The following KIF21A variants were observed in gnomAD, a reference collection of about 807,000 sequenced individuals.
The protein encoded by KIF21A is kinesin-like protein KIF21A.
Under a neutral mutation model 202.9 loss-of-function variants are expected in KIF21A, and 114 were observed. The observed-to-expected ratio is 0.56, with a 90% CI of 0.48 to 0.66. KIF21A has a LOEUF of 0.66. Ranked by LOEUF, KIF21A falls within the 30% of genes least tolerant of loss-of-function variation. The pLI is 0.00. For missense variants in KIF21A, 1,677 were observed against 1,994.9 expected, an observed-to-expected ratio of 0.84 and a Z score of 3.04; for synonymous variants, 667 against 670.8, an observed-to-expected ratio of 0.99 and a Z score of 0.09.
intron 1 of KIF21A, among the ~76,000 whole-genome samples, chr12:39,376,896 A>G (rs1950304185): frequency 6.6e-6 from 1 of 152,184 alleles, no homozygotes; most frequent in South Asian, 2.1e-4. Flanking sequence ...CAGATAGAAG[A>G]GGAATAACAT....
chr12:39,294,907 G>A lies in KIF21A; in HGVS notation c.4932-390C>T, dbSNP rs77155219. On this transcript the variant is annotated intron_variant, in intron 37 of 37. Transcript: ENST00000361418. ...TCCGAGCCCTATCTCTTTAACACTG[G>A]GTCTGCAGTCATTATTCTAAAAGAC... Among the ~76,000 whole-genome samples, 202 of 152,238 alleles carry A rather than the reference G, an allele frequency of 1.3e-3. 1 individual carries two copies. The East Asian group carries it at 0.028, about 21-fold the overall frequency.
In KIF21A at chr12:39,320,002, G is replaced by C; in HGVS notation, c.3683C>G (p.Ser1228Ter). The change falls in exon 28 of 38, where the codon TCA (serine) becomes TGA (stop). Residue 1228 changes from serine (S) to a stop codon, truncating the protein, a stop_gained. Coordinates refer to ENST00000361418, the MANE Select transcript of KIF21A (RefSeq NM_001173464.2). LOFTEE classifies it high-confidence loss of function. ...TGGAATTTTTTTTTCTGATAGAGATGACTGCCTGGAACTAAAGTAAAAGAA... is the reference window on the plus strand; with the variant it reads ...TGGAATTTTTTTTTCTGATAGAGATCACTGCCTGGAACTAAAGTAAAAGAA... Reference protein sequence around the residue: ...PSKIGSISRQSSLSEKKIPEP... With the variant: ...PSKIGSISRQ 1.9e-6 allele frequency: 3 copies of C among 1,586,580 alleles called. No individual in the cohort carries two copies. Among genetic ancestry groups the C allele is most frequent in the Non-Finnish European group, 8.6e-7 (1 of 1,157,454 alleles).
intron 31 of KIF21A, 65 bp from the exon 32 acceptor site, chr12:39,311,618 C>T (rs1944044423): frequency 8.2e-6 from 13 of 1,584,372 alleles, no homozygotes; most frequent in Non-Finnish European, 1.0e-5. Context: ...TATCATGAGA[C>T]TAGTTTTGTT....
chr12:39,443,074 C>A lies in KIF21A; in HGVS notation c.-104G>T. 2.5e-6 allele frequency: 3 copies of A among 1,223,460 alleles called. No individual in the cohort carries two copies. The highest frequency in any genetic ancestry group is 3.2e-6 in the Non-Finnish European group (3 of 934,622). 75.8% of individuals were successfully genotyped at this position (1,223,460 alleles called of 1,614,324 possible). A position where few individuals can be genotyped will look rare whatever the true frequency, so the allele number is the denominator to read the frequency against. On this transcript the variant is annotated 5_prime_UTR_variant, in exon 1 of 38. Transcript: ENST00000361418. The stretch of plus-strand genomic sequence containing the variant: ...CGCAGTAGGCTGGGGCGTCTGCGGG[C>A]GGGCGGCCGGCTCACCTCCGCCGCG...
chr12:39,360,848 C>T (rs1949153907), intron 7 of KIF21A, among the ~76,000 whole-genome samples: 1 of 152,116 alleles, frequency 6.6e-6, no homozygotes, highest in Non-Finnish European at 1.5e-5. Context: ...ACATATGGAG[C>T]TTATTTTCAA....
intron 22 of KIF21A, 95 bp from the exon 23 acceptor site, chr12:39,331,006 T>C (rs1946461487): frequency 7.6e-7 from 1 of 1,314,372 alleles, no homozygotes; most frequent in Admixed American, 1.7e-5. Flanking sequence ...ATATATGGGT[T>C]TTGACATCAG....
intron 10 of KIF21A, among the ~76,000 whole-genome samples, chr12:39,353,499 T>C (rs1948550842): frequency 6.6e-6 from 1 of 152,114 alleles, no homozygotes; most frequent in Admixed American, 6.6e-5. Flanking sequence ...AAATTCATGA[T>C]TATCAAACAA....
At chr12:39,400,393 T>C (rs564957982) in intron 1 of KIF21A, among the ~76,000 whole-genome samples, 1 of 152,262 alleles carries the variant, frequency 6.6e-6, no homozygotes, top group South Asian at 2.1e-4. Context: ...ACCTAGGTAT[T>C]AAGCCCAGCA....
chr12:39,366,415 T>A lies in KIF21A; in HGVS notation c.838A>T (p.Arg280Ter). 6.2e-7 allele frequency: 1 copy of A among 1,614,054 alleles called. No individual in the cohort carries two copies. The highest frequency in any genetic ancestry group is 8.5e-7 in the Non-Finnish European group (1 of 1,179,934). ...CCTGTAGCTCCAGTACGCTTCAGTC[T>A]TTCAGATCCTGCGAGATCAACAAAA... The part of the protein sequence containing the change: ...FHFVDLAGSE[R>*]LKRTGATGER... Residue 280 changes from arginine to a stop codon, truncating the protein, a stop_gained, in exon 6 of 38, where the codon AGA becomes TGA. Coordinates refer to ENST00000361418, the MANE Select transcript of KIF21A (RefSeq NM_001173464.2). LOFTEE classifies it high-confidence loss of function.
chr12:39,419,419 T>C (rs1423039483), intron 1 of KIF21A, among the ~76,000 whole-genome samples: 1 of 152,194 alleles, frequency 6.6e-6, no homozygotes, highest in African/African-American at 2.4e-5. Context: ...AAACAGTTCC[T>C]TTTTGCTACT....
chr12:39,318,025 T>C (rs373924142), intron 29 of KIF21A, 48 bp downstream of exon 29: 1 of 1,578,278 alleles, frequency 6.3e-7, no homozygotes, highest in Non-Finnish European at 8.7e-7. Flanking sequence ...TATTGACAGG[T>C]TCAGAATATT....
intron 1 of KIF21A, among the ~76,000 whole-genome samples, chr12:39,407,919 TATTTAGCATAA>T (rs1365838635): frequency 6.6e-6 from 1 of 151,262 alleles, no homozygotes; most frequent in Non-Finnish European, 1.5e-5. Flanking sequence ...ATGCTAAATA[TATTTAGCATAA>T]AATAAGTAGC....
intron 1 of KIF21A, among the ~76,000 whole-genome samples, chr12:39,401,071 A>G (rs1365198411): frequency 1.3e-5 from 2 of 152,194 alleles, no homozygotes; most frequent in Non-Finnish European, 2.9e-5. Context: ...TGTAAGACAC[A>G]AATGTAAATA....
chr12:39,381,323 A>AC (rs1950602299), intron 1 of KIF21A, among the ~76,000 whole-genome samples: 1 of 151,810 alleles, frequency 6.6e-6, no homozygotes, highest in African/African-American at 2.4e-5. Context: ...AAAAAAAAAA[A>AC]AACTATTTCA....
rs755501569 is a variant in KIF21A, at chr12:39,304,904, C to T, written c.4477G>A (p.Gly1493Ser). Residue 1493 changes from glycine to serine, a missense_variant, in exon 35 of 38, where the codon GGC becomes AGC. By Grantham distance (56) the Gly-to-Ser change is moderately conservative. Transcript: ENST00000361418. The stretch of plus-strand genomic sequence containing the variant: ...TCCACAGTAAGGCACATAACAGGGC[C>T]TAGGTGTCCTGTTAACTTTCCTGTA... ...QSTGKLTGHL[G>S]PVMCLTVDQI... The T allele has an allele frequency of 1.9e-6, 3 of 1,602,128 alleles. No individual in the cohort carries two copies. The highest frequency in any genetic ancestry group is 2.6e-6 in the Non-Finnish European group (3 of 1,169,964).
In KIF21A at chr12:39,331,806, C is replaced by T. The variant is rs753850322; in HGVS notation, c.3052-15G>A. The T allele has an allele frequency of 5.8e-6, 9 of 1,559,584 alleles. 1 individual carries two copies. Among genetic ancestry groups the T allele is most frequent in the Non-Finnish European group, 1.8e-6 (2 of 1,130,514 alleles). On this transcript the variant is annotated splice_polypyrimidine_tract_variant and intron_variant, in intron 21 of 37. Transcript: ENST00000361418. ...TCACCTTCTTCCTGTATAAAATCAGCATAATATGATGACCATTACTTTGAG... is the reference window on the plus strand; with the variant it reads ...TCACCTTCTTCCTGTATAAAATCAGTATAATATGATGACCATTACTTTGAG...
chr12:39,327,690 A>G (rs1385057912), intron 24 of KIF21A, among the ~76,000 whole-genome samples: 1 of 152,212 alleles, frequency 6.6e-6, no homozygotes, highest in Non-Finnish European at 1.5e-5. Flanking sequence ...GCCAGAGCCC[A>G]GAGGATCTCA....
intron 1 of KIF21A, among the ~76,000 whole-genome samples, chr12:39,415,045 G>C (rs1953432877): frequency 1.3e-5 from 2 of 150,848 alleles, no homozygotes; most frequent in Admixed American, 6.6e-5. Context: ...AGAGGTCACT[G>C]TGGACAAGCC....
rs113638971 is a variant in KIF21A, at chr12:39,377,582, C to T, written c.45-7321G>A. Among the ~76,000 whole-genome samples, 12 of 152,186 alleles carry T rather than the reference C, an allele frequency of 7.9e-5. No homozygotes were observed. In the South Asian group the frequency reaches 2.3e-3, roughly 29 times the overall value. On this transcript the variant is annotated intron_variant, in intron 1 of 37. Coordinates refer to ENST00000361418, the MANE Select transcript of KIF21A (RefSeq NM_001173464.2). Reference sequence around the variant, plus strand: ...CTTGCTGAATTGTCTCCTAAGAGATCGGGCACTGCATAAATAATAAGTAAC... The same window carrying T: ...CTTGCTGAATTGTCTCCTAAGAGATTGGGCACTGCATAAATAATAAGTAAC...
Sources: gnomAD v4.1 joint callset for allele counts (sites outside exome capture counted in the v4.1 genomes callset) on GRCh38, gnomAD v4.1.1 for gene constraint, MANE v1.5 for transcripts, NCBI Gene and HGNC (gene_info 2026-07-23, HGNC 2026-07-21) for gene names.